GRM8: variants seen among roughly 807,000 people sequenced by gnomAD.
The protein encoded by GRM8 is glutamate metabotropic receptor 8.
In GRM8, 47 loss-of-function variants were observed where a neutral mutation model predicts 87.2. That is an observed-to-expected ratio of 0.54 (90% confidence interval 0.43 to 0.69). The LOEUF (loss-of-function observed/expected upper bound fraction) is 0.69, where lower values mean the gene tolerates loss of function less well. Ranked by LOEUF, GRM8 falls within the 30% of genes least tolerant of loss-of-function variation. GRM8 has a pLI of 0.00. For missense variants in GRM8, 1,019 were observed against 1,139.2 expected, an observed-to-expected ratio of 0.89 and a Z score of 1.52; for synonymous variants, 396 against 404.5, an observed-to-expected ratio of 0.98 and a Z score of 0.25.
intron 6 of GRM8, among the ~76,000 whole-genome samples, chr7:126,773,932 A>G (rs1226249680): frequency 6.6e-6 from 1 of 152,188 alleles, no homozygotes; most frequent in Non-Finnish European, 1.5e-5. Flanking sequence ...AAATTGTACT[A>G]TTCAAATTAT....
intron 7 of GRM8, among the ~76,000 whole-genome samples, chr7:126,683,995 G>A (rs531906241): frequency 6.6e-6 from 1 of 152,308 alleles, no homozygotes; most frequent in East Asian, 1.9e-4. Context: ...GGATCATGTT[G>A]AATTTTTTCA....
intron 7 of GRM8, among the ~76,000 whole-genome samples, chr7:126,671,450 A>G (rs1362006532): frequency 1.4e-5 from 2 of 146,446 alleles, no homozygotes; most frequent in African/African-American, 5.6e-5. Flanking sequence ...TTCCATCATG[A>G]TGATATTTAA....
At chr7:127,246,542 G>A (rs1785062859) in intron 1 of GRM8, among the ~76,000 whole-genome samples, 1 of 152,048 alleles carries the variant, frequency 6.6e-6, no homozygotes, top group Non-Finnish European at 1.5e-5. Flanking sequence ...GAACCCTTTG[G>A]GGAGGCTTAA....
At chr7:126,565,617 C>T (rs1212377946) in intron 8 of GRM8, among the ~76,000 whole-genome samples, 1 of 151,986 alleles carries the variant, frequency 6.6e-6, no homozygotes, top group Admixed American at 6.6e-5. Flanking sequence ...CCAGACTACT[C>T]AAAGTGATCT....
At chr7:126,895,088 C>T (rs1801416672) in intron 6 of GRM8, among the ~76,000 whole-genome samples, 2 of 151,944 alleles carry the variant, frequency 1.3e-5, no homozygotes, top group South Asian at 4.1e-4. Context: ...AATTAAGCTT[C>T]CCACTTTCAA....
intron 2 of GRM8, among the ~76,000 whole-genome samples, chr7:127,115,444 A>G (rs1826644572): frequency 6.6e-6 from 1 of 152,218 alleles, no homozygotes; most frequent in Non-Finnish European, 1.5e-5. Flanking sequence ...GAAAATCCCA[A>G]TCCTAAGATT....
At position 126,732,919 on chromosome 7, in the gene GRM8, G is replaced by A. The variant is rs773493554; in HGVS notation, c.1357+36946C>T. Among the ~76,000 whole-genome samples the A allele has an allele frequency of 1.3e-4, 19 of 151,986 alleles. 1 individual carries two copies. The highest frequency in any genetic ancestry group is 2.2e-4 in the Non-Finnish European group (15 of 67,968). On this transcript the variant is annotated intron_variant, in intron 7 of 10. Transcript: ENST00000339582. ...TCACGGTTGCCCAACCATGGCCTAT[G>A]GGCTACATGCACGTGTCCCAGGACA...
chr7:126,690,992 C>G (rs887676429), intron 7 of GRM8, among the ~76,000 whole-genome samples: 4 of 152,194 alleles, frequency 2.6e-5, no homozygotes, highest in African/African-American at 9.6e-5. Context: ...ACGGCAAGTT[C>G]TCACTCCTAT....
intron 3 of GRM8, among the ~76,000 whole-genome samples, chr7:127,049,114 GCTGA>G (rs899024339): frequency 7.2e-5 from 11 of 152,026 alleles, no homozygotes; most frequent in Non-Finnish European, 1.2e-4. Flanking sequence ...TTTTAAGCCT[GCTGA>G]CTGATAGGTA....
At chr7:127,133,770 T>C (rs1167460708) in intron 2 of GRM8, among the ~76,000 whole-genome samples, 1 of 151,800 alleles carries the variant, frequency 6.6e-6, no homozygotes, top group Non-Finnish European at 1.5e-5. Flanking sequence ...TTTTTCACCC[T>C]TCTTGGGTTT....
chr7:126,513,602 T>C (rs144978986), intron 9 of GRM8, among the ~76,000 whole-genome samples: 1 of 152,292 alleles, frequency 6.6e-6, no homozygotes, highest in East Asian at 1.9e-4. Flanking sequence ...TTCCGGTTGC[T>C]CTACTGTCTG....
intron 6 of GRM8, among the ~76,000 whole-genome samples, chr7:126,832,907 T>C (rs1795528517): frequency 6.6e-6 from 1 of 152,232 alleles, no homozygotes; most frequent in Non-Finnish European, 1.5e-5. Context: ...CTGTTTTAAT[T>C]TCAGAAAATT....
intron 9 of GRM8, among the ~76,000 whole-genome samples, chr7:126,461,756 T>C (rs1480758097): frequency 6.6e-6 from 1 of 151,662 alleles, no homozygotes; most frequent in Non-Finnish European, 1.5e-5. Context: ...CTACATCTCA[T>C]TCTCATGATC....
chr7:127,159,880 G>T (rs571851150), intron 2 of GRM8, among the ~76,000 whole-genome samples: 4 of 152,018 alleles, frequency 2.6e-5, no homozygotes, highest in Admixed American at 2.0e-4. Flanking sequence ...GACATAAATT[G>T]CAATAAAACA....
intron 2 of GRM8, among the ~76,000 whole-genome samples, chr7:127,203,964 T>C (rs1041950598): frequency 6.6e-6 from 1 of 152,196 alleles, no homozygotes; most frequent in Non-Finnish European, 1.5e-5. Flanking sequence ...ACGTATGTCA[T>C]GCAAATAAGG....
intron 9 of GRM8, among the ~76,000 whole-genome samples, chr7:126,484,960 CT>C (rs1469224507): frequency 6.6e-6 from 1 of 151,354 alleles, no homozygotes; most frequent in Admixed American, 6.6e-5. Context: ...GACTTATGTA[CT>C]TGATTTTGTT....
At chr7:126,799,611 T>C (rs1822409704) in intron 6 of GRM8, among the ~76,000 whole-genome samples, 1 of 152,114 alleles carries the variant, frequency 6.6e-6, no homozygotes, top group Non-Finnish European at 1.5e-5. Context: ...ATTCCAAAGA[T>C]AGTACCTCCA....
At chr7:127,014,006 AGAAGACTCTTGGT>A (rs1442605027) in intron 3 of GRM8, among the ~76,000 whole-genome samples, 1 of 152,210 alleles carries the variant, frequency 6.6e-6, no homozygotes, top group African/African-American at 2.4e-5. Context: ...ATTGTAGATG[AGAAGACTCTTGGT>A]GAGTTATGGG....
intron 3 of GRM8, among the ~76,000 whole-genome samples, chr7:126,918,101 T>A (rs968967727): frequency 2.6e-5 from 4 of 152,198 alleles, no homozygotes; most frequent in African/African-American, 9.7e-5. Context: ...TGCTATCATA[T>A]AGGGCAGCCT....
Sources: allele counts gnomAD v4.1 joint callset (sites outside exome capture counted in the v4.1 genomes callset), GRCh38; gene constraint gnomAD v4.1.1; transcripts MANE v1.5; gene names NCBI Gene and HGNC (gene_info 2026-07-23, HGNC 2026-07-21).